Variants in OR14A2 observed in about 807,000 individuals in gnomAD.
OR14A2 encodes olfactory receptor 14A2.
For synonymous variants in OR14A2, 114 were observed against 58.6 expected, an observed-to-expected ratio of 1.95 and a Z score of -4.32; for missense variants, 237 against 152.9, an observed-to-expected ratio of 1.55 and a Z score of -2.90.
chr1:247,725,527 TA>T (rs1405701895), upstream of OR14A2, among the ~76,000 whole-genome samples: 62 of 149,580 alleles, frequency 4.1e-4, no homozygotes, highest in African/African-American at 1.3e-3. Flanking sequence ...TTTATTTATT[TA>T]TTTTTTTTAT....
exon 1 of OR14A2, chr1:247,723,454 C>T: frequency 2.8e-6 from 2 of 717,550 alleles, no homozygotes. Context: ...AACTCCAATA[C>T]CTGCATAAAT....
chr1:247,730,662 T>G, the OR14A2 span, among the ~76,000 whole-genome samples: 1 of 152,062 alleles, frequency 6.6e-6, no homozygotes. Flanking sequence ...AAATAATATC[T>G]TTGGCATTTA....
At chr1:247,738,276 T>G in the OR14A2 span, among the ~76,000 whole-genome samples, 1 of 152,344 alleles carries the variant, frequency 6.6e-6, no homozygotes, top group African/African-American at 2.4e-5. Context: ...TATGCCCTAT[T>G]GCAGTTTTAT....
chr1:247,742,381 C>T, the OR14A2 span, among the ~76,000 whole-genome samples: 1 of 147,738 alleles, frequency 6.8e-6, no homozygotes, highest in Non-Finnish European at 1.5e-5. Flanking sequence ...CACACACACA[C>T]ACCATGAAGT....
chr1:247,738,908 G>C, the OR14A2 span: 1 of 780,636 alleles, frequency 1.3e-6, no homozygotes, highest in Non-Finnish European at 2.4e-6. Context: ...GTGTGTTGCA[G>C]CTCTTCTTGG....
chr1:247,735,830 T>C, the OR14A2 span, among the ~76,000 whole-genome samples: 1 of 152,052 alleles, frequency 6.6e-6, no homozygotes, highest in Non-Finnish European at 1.5e-5. Context: ...TAGGAAACTG[T>C]TTGCAGCATT....
At chr1:247,724,028 A>C (rs1261341857) in exon 1 of OR14A2, 1 of 712,546 alleles carries the variant, frequency 1.4e-6, no homozygotes, top group Admixed American at 2.0e-5. Context: ...CCTGTCACCA[A>C]GGTGACATTG....
exon 1 of OR14A2, chr1:247,723,202 G>C: frequency 1.4e-6 from 1 of 717,706 alleles, no homozygotes; most frequent in Non-Finnish European, 2.6e-6. Context: ...GTTAAATACT[G>C]GAGGCATCAC....
the OR14A2 span, among the ~76,000 whole-genome samples, chr1:247,732,199 A>T: frequency 6.6e-6 from 1 of 151,900 alleles, no homozygotes; most frequent in Non-Finnish European, 1.5e-5. Flanking sequence ...AGATCTCTAC[A>T]CTCAGGATTT....
chr1:247,723,455 C>T (rs571414298), exon 1 of OR14A2: 1 of 717,576 alleles, frequency 1.4e-6, no homozygotes, highest in Admixed American at 2.0e-5. Context: ...ACTCCAATAC[C>T]TGCATAAATT....
chr1:247,747,552 G>C, the OR14A2 span, among the ~76,000 whole-genome samples: 5 of 151,662 alleles, frequency 3.3e-5, no homozygotes, highest in African/African-American at 9.7e-5. Context: ...TTGGTAGAGA[G>C]GGGGTTTCGC....
the OR14A2 span, among the ~76,000 whole-genome samples, chr1:247,741,043 G>T: frequency 6.6e-6 from 1 of 152,080 alleles, no homozygotes; most frequent in South Asian, 2.1e-4. Context: ...TCTTCTATTT[G>T]CCCAAATTCT....
chr1:247,747,231 T>C, the OR14A2 span, among the ~76,000 whole-genome samples: 1 of 152,186 alleles, frequency 6.6e-6, no homozygotes, highest in East Asian at 1.9e-4. Context: ...AAATACCACT[T>C]CCACTCCAAG....
chr1:247,725,460 C>G (rs571112160), upstream of OR14A2, among the ~76,000 whole-genome samples: 32 of 150,298 alleles, frequency 2.1e-4, 1 homozygote, highest in Admixed American at 1.7e-3. Context: ...TTTGTCTGCC[C>G]TAAATTTCCT....
chr1:247,742,138 C>A, the OR14A2 span, among the ~76,000 whole-genome samples: 1 of 152,180 alleles, frequency 6.6e-6, no homozygotes, highest in Non-Finnish European at 1.5e-5. Context: ...ATGGAAAAGT[C>A]TGAACTTGGT....
the OR14A2 span, among the ~76,000 whole-genome samples, chr1:247,729,260 G>A: frequency 6.6e-6 from 1 of 152,096 alleles, no homozygotes; most frequent in African/African-American, 2.4e-5. Context: ...GGAAACAACT[G>A]TTTCCAACGT....
At chr1:247,736,155 C>A in the OR14A2 span, among the ~76,000 whole-genome samples, 1 of 144,128 alleles carries the variant, frequency 6.9e-6, no homozygotes, top group African/African-American at 2.5e-5. Context: ...ATAGGCCTCC[C>A]CTCCCCTCCC....
At position 247,723,356 on chromosome 1, in the gene OR14A2, TAGTGGTAG is replaced by T. The variant is rs1317398420; in HGVS notation, c.680_687del (p.Pro227GlnfsTer30). ...GTGGAAAAAGCTTTGGACTGACCTT[TAGTGGTAG>T]GGATCTTCAGTACAGTGGAGAAGAT... On this transcript the variant is annotated frameshift_variant, in exon 1 of 1. Coordinates refer to ENST00000366485, the Ensembl canonical transcript of OR14A2. LOFTEE classifies it low-confidence loss of function (END_TRUNC). The T allele has an allele frequency of 1.4e-6, 1 of 717,424 alleles. No homozygotes were observed. Among genetic ancestry groups the T allele is most frequent in the Non-Finnish European group, 2.6e-6 (1 of 385,098 alleles). The allele number at this position is 717,424 out of a possible 1,614,324, so 44.4% of individuals were successfully genotyped here.
chr1:247,726,065 T>A (rs1253494308), upstream of OR14A2, among the ~76,000 whole-genome samples: 1 of 140,974 alleles, frequency 7.1e-6, no homozygotes, highest in Non-Finnish European at 1.5e-5. Flanking sequence ...GATGGCTGGG[T>A]CAAATGGTAT....
Sources: allele counts gnomAD v4.1 joint callset (sites outside exome capture counted in the v4.1 genomes callset), GRCh38; gene constraint gnomAD v4.1.1; transcripts MANE v1.5; gene names NCBI Gene and HGNC (gene_info 2026-07-23, HGNC 2026-07-21).